Variants in STXBP5 observed in about 807,000 individuals in gnomAD.
STXBP5 encodes syntaxin-binding protein 5.
A neutral mutation model predicts 152.4 loss-of-function variants in STXBP5; 50 were observed. That is an observed-to-expected ratio of 0.33 (90% CI 0.26 to 0.42). STXBP5 has a LOEUF of 0.42. STXBP5 is among the 10% of genes least tolerant of loss of function. The probability of loss-of-function intolerance (pLI) is 1.00; values close to 1 mark genes in which losing one functional copy is unlikely to be tolerated. For missense variants in STXBP5, 1,167 were observed against 1,388.6 expected, an observed-to-expected ratio of 0.84 and a Z score of 2.54; for synonymous variants, 492 against 494.7, an observed-to-expected ratio of 0.99 and a Z score of 0.07.
chr6:147,379,764 A>T (rs1441024542), intron 26 of STXBP5, among the ~76,000 whole-genome samples: 1 of 152,030 alleles, frequency 6.6e-6, no homozygotes, highest in East Asian at 1.9e-4. Flanking sequence ...ACATAAAACT[A>T]ATTATAGCTA....
intron 22 of STXBP5, among the ~76,000 whole-genome samples, chr6:147,355,632 C>T (rs1784782762): frequency 6.6e-6 from 1 of 152,098 alleles, no homozygotes; most frequent in Admixed American, 6.6e-5. Context: ...TCTGACTCTA[C>T]CACATACTAG....
At chr6:147,321,478 GT>G (rs1782932880) in intron 16 of STXBP5, among the ~76,000 whole-genome samples, 1 of 152,050 alleles carries the variant, frequency 6.6e-6, no homozygotes, top group Non-Finnish European at 1.5e-5. Context: ...GTAGGCTGAA[GT>G]GGGAGGATTG....
intron 3 of STXBP5, 100 bp from the exon 4 acceptor site, chr6:147,239,070 G>T: frequency 9.5e-7 from 1 of 1,051,674 alleles, no homozygotes; most frequent in Non-Finnish European, 1.3e-6. Context: ...TTGGCAGAAA[G>T]TTTTGAAATT....
At chr6:147,320,729 C>T (rs906161966) in intron 16 of STXBP5, among the ~76,000 whole-genome samples, 7 of 151,964 alleles carry the variant, frequency 4.6e-5, no homozygotes, top group African/African-American at 1.7e-4. Context: ...TACAACATTA[C>T]TTAAAATTTT....
chr6:147,235,327 A>G lies in STXBP5; in HGVS notation c.326A>G (p.Asn109Ser). Reference sequence around the variant, plus strand: ...GTAATCCAGCTCCAGTTCCTGATTAATGAGGTTAGTGAATTGTTTTAATCA... The same window carrying G: ...GTAATCCAGCTCCAGTTCCTGATTAGTGAGGTTAGTGAATTGTTTTAATCA... The part of the protein sequence containing the change: ...AAVIQLQFLI[N>S]EGALVSALAD... Residue 109 changes from asparagine (N) to serine (S), a missense_variant, in exon 3 of 28, where the codon AAT (asparagine) becomes AGT (serine). Around this residue, in one of 3 missense-constraint regions of STXBP5, gnomAD observed 310 missense variants for 346.1 expected, o/e 0.90. Transcript: ENST00000321680. 6.2e-7 allele frequency: 1 copy of G among 1,612,252 alleles called. No individual in the cohort carries two copies.
At chr6:147,374,159 A>G (rs866626052) in intron 26 of STXBP5, among the ~76,000 whole-genome samples, 5 of 152,190 alleles carry the variant, frequency 3.3e-5, no homozygotes, top group Non-Finnish European at 5.9e-5. Flanking sequence ...GATAACCTTA[A>G]CTTTGAAAAA....
At chr6:147,356,445 TAA>T (rs1212776511) in intron 22 of STXBP5, among the ~76,000 whole-genome samples, 2 of 151,780 alleles carry the variant, frequency 1.3e-5, no homozygotes, top group Non-Finnish European at 2.9e-5. Flanking sequence ...TTGGAAACCA[TAA>T]AGAGTTAATA....
At chr6:147,245,730 C>G (rs1447963429) in intron 4 of STXBP5, among the ~76,000 whole-genome samples, 1 of 152,102 alleles carries the variant, frequency 6.6e-6, no homozygotes. Flanking sequence ...AATCTGGTGT[C>G]CACATAAGAA....
At chr6:147,271,116 G>C (rs1160557474) in intron 7 of STXBP5, among the ~76,000 whole-genome samples, 1 of 152,092 alleles carries the variant, frequency 6.6e-6, no homozygotes, top group Non-Finnish European at 1.5e-5. Context: ...TTTAAATCCA[G>C]CTATGTCAAT....
intron 16 of STXBP5, among the ~76,000 whole-genome samples, chr6:147,324,404 C>G (rs1222260463): frequency 6.6e-6 from 1 of 151,006 alleles, no homozygotes; most frequent in Non-Finnish European, 1.5e-5. Flanking sequence ...TCCAGAGTAG[C>G]TGGGACTACA....
intron 8 of STXBP5, among the ~76,000 whole-genome samples, chr6:147,287,254 G>A (rs983007485): frequency 7.6e-6 from 1 of 131,996 alleles, no homozygotes; most frequent in African/African-American, 2.9e-5. Context: ...CCAGGCTGGA[G>A]TGCAGTGGCG....
intron 4 of STXBP5, 50 bp downstream of exon 4, chr6:147,239,320 T>A: frequency 6.6e-7 from 1 of 1,517,708 alleles, no homozygotes; most frequent in Non-Finnish European, 9.1e-7. Context: ...CTATTATATT[T>A]TCTTGAATTT....
intron 4 of STXBP5, 130 bp downstream of exon 4, chr6:147,239,400 A>G (rs536123988): frequency 1.5e-6 from 1 of 678,100 alleles, no homozygotes; most frequent in South Asian, 2.7e-5. Context: ...GCTTCAAAGG[A>G]TATACAATAA....
At chr6:147,279,772 C>T (rs1298120750) in intron 8 of STXBP5, among the ~76,000 whole-genome samples, 1 of 152,108 alleles carries the variant, frequency 6.6e-6, no homozygotes, top group African/African-American at 2.4e-5. Context: ...TCTCGACACT[C>T]CTAAAAATTC....
chr6:147,382,379 A>T (rs1438677856), intron 26 of STXBP5, among the ~76,000 whole-genome samples: 2 of 152,200 alleles, frequency 1.3e-5, no homozygotes, highest in East Asian at 3.9e-4. Flanking sequence ...GTAAGTAAAC[A>T]TAATCAAATC....
intron 5 of STXBP5, 120 bp from the exon 6 acceptor site, chr6:147,262,170 A>G (rs890842670): frequency 1.5e-6 from 1 of 666,298 alleles, no homozygotes; most frequent in Non-Finnish European, 2.5e-6. Flanking sequence ...TCTCTTGCTG[A>G]AATCCTTTCT....
chr6:147,370,753 G>T (rs1414667639), intron 25 of STXBP5, among the ~76,000 whole-genome samples: 1 of 152,000 alleles, frequency 6.6e-6, no homozygotes, highest in Admixed American at 6.6e-5. Flanking sequence ...AACAACTGAT[G>T]ACAGTTGAAC....
chr6:147,257,028 G>T (rs571927466), intron 4 of STXBP5, among the ~76,000 whole-genome samples: 8 of 151,914 alleles, frequency 5.3e-5, no homozygotes, highest in African/African-American at 1.9e-4. Flanking sequence ...ATAGCAAATA[G>T]GATGTATGTG....
At position 147,314,266 on chromosome 6, in the gene STXBP5, A is replaced by G; in HGVS notation, c.1296A>G (p.Glu432=). The change falls in exon 13 of 28, where the codon GAA becomes GAG. Residue 432 remains glutamate (E), a splice_region_variant and synonymous_variant. Transcript: ENST00000321680. ...RQKRQGYSKK[E]WPINGGNWGL... ...TATACAGTCATCTTTTTTTATAGGA[A>G]TGGCCCATCAACGGAGGTAATTGGG... The G allele has an allele frequency of 6.2e-7, 1 of 1,609,490 alleles. No individual in the cohort carries two copies. Among genetic ancestry groups the G allele is most frequent in the Non-Finnish European group, 8.5e-7 (1 of 1,175,918 alleles).
Sources: gnomAD v4.1 joint callset for allele counts (sites outside exome capture counted in the v4.1 genomes callset) on GRCh38, gnomAD v4.1.1 for gene constraint, gnomAD v4.1.1 regional missense constraint, MANE v1.5 for transcripts, NCBI Gene and HGNC (gene_info 2026-07-23, HGNC 2026-07-21) for gene names.